The following PTPN11 variants were observed in gnomAD, a reference collection of about 807,000 sequenced individuals.
PTPN11 encodes protein tyrosine phosphatase non-receptor type 11.
A neutral mutation model predicts 78.8 loss-of-function variants in PTPN11; 6 were observed. The observed-to-expected ratio is 0.08, with a 90% CI of 0.04 to 0.15. PTPN11 has a LOEUF of 0.15. Ranked by LOEUF, PTPN11 falls within the 10% of genes least tolerant of loss-of-function variation. PTPN11 has a pLI of 1.00. For missense variants in PTPN11, 386 were observed against 744.8 expected, an observed-to-expected ratio of 0.52 and a Z score of 5.61; for synonymous variants, 221 against 263.5, an observed-to-expected ratio of 0.84 and a Z score of 1.56.
chr12:112,472,142 GAA>G (rs907268304), intron 6 of PTPN11, among the ~76,000 whole-genome samples: 2 of 151,746 alleles, frequency 1.3e-5, no homozygotes, highest in Non-Finnish European at 2.9e-5. Flanking sequence ...TTTTTTTAAA[GAA>G]AAAAAATTAA....
intron 13 of PTPN11, among the ~76,000 whole-genome samples, chr12:112,497,977 A>G (rs1018945094): frequency 5.9e-5 from 9 of 151,854 alleles, no homozygotes; most frequent in Non-Finnish European, 1.2e-4. Flanking sequence ...ACATGGTGAA[A>G]CCCTGTCTCT....
intron 2 of PTPN11, among the ~76,000 whole-genome samples, chr12:112,449,686 A>T (rs552425222): frequency 6.6e-6 from 1 of 152,342 alleles, no homozygotes; most frequent in East Asian, 1.9e-4. Context: ...GTGGCAATGA[A>T]TATTTTTGTA....
intron 7 of PTPN11, among the ~76,000 whole-genome samples, chr12:112,476,899 A>G (rs928276171): frequency 6.6e-6 from 1 of 152,208 alleles, no homozygotes; most frequent in Non-Finnish European, 1.5e-5. Flanking sequence ...TTATCAACTC[A>G]TGCCCAGTCT....
rs192449140 is a variant in PTPN11, at chr12:112,443,119, A to G, written c.15-3157A>G. On this transcript the variant is annotated intron_variant, in intron 1 of 15. Coordinates refer to ENST00000351677, the MANE Select transcript of PTPN11 (RefSeq NM_002834.5). Reference sequence around the variant, plus strand: ...GGTTACATAACCACAGTATATCACCAAATGTATATTATAACAAGACTACCA... The same window carrying G: ...GGTTACATAACCACAGTATATCACCGAATGTATATTATAACAAGACTACCA... Among the ~76,000 whole-genome samples the G allele has an allele frequency of 2.6e-5, 4 of 151,558 alleles. No homozygotes were observed. In the East Asian group the frequency reaches 7.7e-4, roughly 29 times the overall value.
At chr12:112,494,506 A>G (rs1322680423) in intron 13 of PTPN11, among the ~76,000 whole-genome samples, 1 of 152,198 alleles carries the variant, frequency 6.6e-6, no homozygotes, top group Non-Finnish European at 1.5e-5. Flanking sequence ...GAATTTGGCT[A>G]GTGGAAACCT....
intron 2 of PTPN11, among the ~76,000 whole-genome samples, chr12:112,449,650 CAA>C (rs947739576): frequency 2.6e-4 from 39 of 152,056 alleles, no homozygotes; most frequent in African/African-American, 8.7e-4. Context: ...GATTAAAAAA[CAA>C]AATGTTTTTC....
chr12:112,422,273 T>C (rs1400951152), intron 1 of PTPN11, among the ~76,000 whole-genome samples: 1 of 152,212 alleles, frequency 6.6e-6, no homozygotes, highest in Non-Finnish European at 1.5e-5. Context: ...AATTAAAATG[T>C]AAGTATATTC....
Position 112,498,270 on chromosome 12 carries a change from C to T in PTPN11, c.1600-3874C>T, listed in dbSNP as rs149680165. ...AGTGAGGAGCTGCCGCAGTGCTGCA[C>T]GTGAGAACCCGTCATGGTTTGGTCA... On this transcript the variant is annotated intron_variant, in intron 13 of 15. Coordinates refer to ENST00000351677, the MANE Select transcript of PTPN11 (RefSeq NM_002834.5). Among the ~76,000 whole-genome samples the T allele has an allele frequency of 7.6e-4, 115 of 152,168 alleles. 1 individual carries two copies. In the East Asian group the frequency reaches 0.017, roughly 22 times the overall value.
At chr12:112,485,222 C>T (rs963626800) in intron 10 of PTPN11, among the ~76,000 whole-genome samples, 20 of 152,036 alleles carry the variant, frequency 1.3e-4, no homozygotes, top group Non-Finnish European at 1.5e-4. Flanking sequence ...TCACTGTGCA[C>T]CAGCCTGGAT....
chr12:112,505,673 A>AC (rs202127360), intron 15 of PTPN11, among the ~76,000 whole-genome samples, 152 bp from the exon 16 acceptor site: 8 of 151,364 alleles, frequency 5.3e-5, no homozygotes, highest in African/African-American at 1.2e-4. Context: ...AAAAAAAAAA[A>AC]AAAAAAAACT....
chr12:112,464,963 A>G (rs1341464194), intron 6 of PTPN11, among the ~76,000 whole-genome samples: 2 of 152,204 alleles, frequency 1.3e-5, no homozygotes, highest in Non-Finnish European at 2.9e-5. Flanking sequence ...AAAGAGATGG[A>G]TAATATTTTT....
At chr12:112,431,831 T>C (rs1219801013) in intron 1 of PTPN11, among the ~76,000 whole-genome samples, 1 of 152,156 alleles carries the variant, frequency 6.6e-6, no homozygotes, top group Non-Finnish European at 1.5e-5. Context: ...AGACAGTTTC[T>C]AAGCATGGCA....
Position 112,418,968 on chromosome 12 carries a change from T to A in PTPN11, c.-144T>A, listed in dbSNP as rs1466256880. On this transcript the variant is annotated 5_prime_UTR_variant, in exon 1 of 16. Coordinates refer to ENST00000351677, the MANE Select transcript of PTPN11 (RefSeq NM_002834.5). The stretch of plus-strand genomic sequence containing the variant: ...GCACAGTCTCCGGGATCCCCAGGCC[T>A]GGAGGGGGGTCTGTGCGCGGCCGGC... The A allele has an allele frequency of 1.0e-6, 1 of 990,730 alleles. No individual in the cohort carries two copies. The highest frequency in any genetic ancestry group is 1.7e-5 in the African/African-American group (1 of 59,176). The allele number at this position is 990,730 out of a possible 1,614,324, so 61.4% of individuals were successfully genotyped here.
intron 3 of PTPN11, among the ~76,000 whole-genome samples, chr12:112,452,948 G>A (rs989929366): frequency 2.0e-5 from 3 of 152,100 alleles, no homozygotes; most frequent in African/African-American, 7.2e-5. Flanking sequence ...AAAGATTGGG[G>A]CATTTGTCTC....
At chr12:112,495,493 G>T (rs948960525) in intron 13 of PTPN11, among the ~76,000 whole-genome samples, 1 of 152,156 alleles carries the variant, frequency 6.6e-6, no homozygotes, top group Non-Finnish European at 1.5e-5. Context: ...GAGGTATATT[G>T]TTAAGTGTTC....
At chr12:112,484,303 A>G (rs1207542468) in intron 10 of PTPN11, among the ~76,000 whole-genome samples, 1 of 152,354 alleles carries the variant, frequency 6.6e-6, no homozygotes, top group East Asian at 1.9e-4. Flanking sequence ...ATGAAAATAT[A>G]CTGATACCCA....
chr12:112,453,983 C>T (rs1461633688), intron 4 of PTPN11, among the ~76,000 whole-genome samples: 3 of 151,780 alleles, frequency 2.0e-5, no homozygotes, highest in African/African-American at 2.4e-5. Context: ...TAGTCAAGTT[C>T]GTCTATGCTT....
Position 112,471,454 on chromosome 12 carries a change from A to AAGAGAGAGAGAG in PTPN11, c.757-1464_757-1453dup, listed in dbSNP as rs56070053. On this transcript the variant is annotated intron_variant, in intron 6 of 15. Transcript: ENST00000351677. ...GTGGCTCCATCATATGATAAACAGA[A>AAGAGAGAGAGAG]AGAGAGAGAGAGAGAGAGAGAGAGA... Among the ~76,000 whole-genome samples the AAGAGAGAGAGAG allele has an allele frequency of 2.8e-3, 354 of 126,330 alleles. 1 individual carries two copies. The highest frequency in any genetic ancestry group is 0.012 in the East Asian group (53 of 4,282). 82.9% of individuals were successfully genotyped at this position (126,330 alleles called of 152,430 possible).
At chr12:112,445,661 G>A (rs56401220) in intron 1 of PTPN11, among the ~76,000 whole-genome samples, 1 of 142,614 alleles carries the variant, frequency 7.0e-6, no homozygotes, top group Non-Finnish European at 1.5e-5. Context: ...TTTTTTCTGA[G>A]ATTGAGTTTC....
Sources: allele counts gnomAD v4.1 joint callset (sites outside exome capture counted in the v4.1 genomes callset), GRCh38; gene constraint gnomAD v4.1.1; transcripts MANE v1.5; gene names NCBI Gene and HGNC (gene_info 2026-07-23, HGNC 2026-07-21).